Variants in MACROD1 observed in about 807,000 individuals in gnomAD.
MACROD1 encodes ADP-ribose glycohydrolase MACROD1.
In MACROD1, 31 loss-of-function variants were observed where a neutral mutation model predicts 41.4. That is an observed-to-expected ratio of 0.75 (90% confidence interval 0.56 to 1.01). MACROD1 has a LOEUF of 1.01. MACROD1 is among the 50% of genes least tolerant of loss of function. The probability of loss-of-function intolerance (pLI) is 0.00; values close to 1 mark genes in which losing one functional copy is unlikely to be tolerated. For synonymous variants in MACROD1, 252 were observed against 203.4 expected (o/e 1.24, Z -2.03); for missense variants, 473 against 460.0 (o/e 1.03, Z -0.26).
intron 3 of MACROD1, among the ~76,000 whole-genome samples, chr11:64,046,532 T>C (rs959408500): frequency 5.9e-5 from 9 of 152,324 alleles, no homozygotes; most frequent in African/African-American, 1.9e-4. Context: ...GTCAGCTTCA[T>C]GCACACTCCT....
chr11:64,052,016 T>C (rs532813337), intron 3 of MACROD1, among the ~76,000 whole-genome samples: 1 of 151,214 alleles, frequency 6.6e-6, no homozygotes, highest in East Asian at 2.0e-4. Flanking sequence ...GCTGGGGGCT[T>C]GCTAATGAAC....
At chr11:64,085,743 C>T (rs1329418157) in intron 3 of MACROD1, among the ~76,000 whole-genome samples, 4 of 152,160 alleles carry the variant, frequency 2.6e-5, no homozygotes, top group East Asian at 1.9e-4. Context: ...CAGTGTTGTC[C>T]ATTGGGGGCC....
chr11:64,135,467 T>C (rs1481213756), intron 3 of MACROD1, among the ~76,000 whole-genome samples: 1 of 152,232 alleles, frequency 6.6e-6, no homozygotes, highest in African/African-American at 2.4e-5. Flanking sequence ...ACCTGAGCCC[T>C]TGCCGCTTGC....
chr11:64,106,132 T>C (rs1427884425), intron 3 of MACROD1, among the ~76,000 whole-genome samples: 1 of 152,132 alleles, frequency 6.6e-6, no homozygotes, highest in African/African-American at 2.4e-5. Flanking sequence ...GAGGTCCCGC[T>C]GGGCAGCTGA....
At chr11:64,118,530 T>C in intron 3 of MACROD1, 1 of 463,004 alleles carries the variant, frequency 2.2e-6, no homozygotes. Context: ...ACATAATTTA[T>C]ACCAAGTTAT....
At chr11:64,089,857 T>G (rs1275762765) in intron 3 of MACROD1, among the ~76,000 whole-genome samples, 3 of 152,104 alleles carry the variant, frequency 2.0e-5, no homozygotes, top group Non-Finnish European at 4.4e-5. Flanking sequence ...ATGAGGAGGA[T>G]GATGGTGCTG....
rs1483624165 is a variant in MACROD1 at position 64,086,138 on chromosome 11, GCA to G, written c.517+65099_517+65100del. Among the ~76,000 whole-genome samples the G allele has an allele frequency of 2.6e-5, 4 of 152,296 alleles. No homozygotes were observed. In the East Asian group the frequency reaches 7.7e-4, roughly 29 times the overall value. ...CAGCACTGGTGGGGTGGGTGGCTGC[GCA>G]CACACAGCCATTCAGGGGAAGCCGG... On this transcript the variant is annotated intron_variant, in intron 3 of 10. Coordinates refer to ENST00000255681, the MANE Select transcript of MACROD1 (RefSeq NM_014067.4).
chr11:64,145,846 C>T (rs891715501), intron 3 of MACROD1, among the ~76,000 whole-genome samples: 4 of 151,910 alleles, frequency 2.6e-5, no homozygotes, highest in Admixed American at 6.6e-5. Context: ...CTCGGCTCAC[C>T]GCAACCTCCA....
chr11:64,023,658 A>G (rs1426991521), intron 3 of MACROD1, among the ~76,000 whole-genome samples: 1 of 151,906 alleles, frequency 6.6e-6, no homozygotes, highest in African/African-American at 2.4e-5. Context: ...CATCCCCACT[A>G]GATTCCCCTG....
At chr11:64,134,554 G>A (rs1340050514) in intron 3 of MACROD1, among the ~76,000 whole-genome samples, 1 of 152,158 alleles carries the variant, frequency 6.6e-6, no homozygotes, top group Non-Finnish European at 1.5e-5. Context: ...CTGTTTACCT[G>A]GCATGAAGCA....
intron 3 of MACROD1, among the ~76,000 whole-genome samples, chr11:64,029,058 C>T (rs888953673): frequency 1.3e-5 from 2 of 152,248 alleles, no homozygotes; most frequent in African/African-American, 2.4e-5. Flanking sequence ...CCCACCTCCC[C>T]GCCCCAGGGC....
intron 3 of MACROD1, among the ~76,000 whole-genome samples, chr11:64,030,853 C>T (rs1943284645): frequency 6.6e-6 from 1 of 151,140 alleles, no homozygotes; most frequent in East Asian, 1.9e-4. Flanking sequence ...GAGTTCGAAT[C>T]CAGCCTGGGC....
intron 4 of MACROD1, chr11:64,009,068 C>T (rs1047124984): frequency 6.6e-6 from 1 of 152,032 alleles, no homozygotes; most frequent in Non-Finnish European, 1.5e-5. Flanking sequence ...CAGAGAAAGA[C>T]GAGGGGTAAT....
At chr11:64,135,722 T>G (rs1045972907) in intron 3 of MACROD1, among the ~76,000 whole-genome samples, 7 of 152,118 alleles carry the variant, frequency 4.6e-5, no homozygotes, top group Non-Finnish European at 8.8e-5. Flanking sequence ...CTTGCAGCCT[T>G]CCCCGCGCCA....
intron 3 of MACROD1, among the ~76,000 whole-genome samples, chr11:64,073,632 T>C (rs901114458): frequency 6.6e-6 from 1 of 151,090 alleles, no homozygotes. Flanking sequence ...GCGCTGGGGG[T>C]GCACATGTAC....
chr11:64,061,563 AC>A (rs1159621592), intron 3 of MACROD1, among the ~76,000 whole-genome samples: 3 of 151,684 alleles, frequency 2.0e-5, no homozygotes, highest in East Asian at 3.9e-4. Context: ...TCTGAGCACC[AC>A]CCCCCATTTG....
chr11:64,119,768 C>G (rs2134631329), intron 3 of MACROD1, among the ~76,000 whole-genome samples: 1 of 152,278 alleles, frequency 6.6e-6, no homozygotes, highest in South Asian at 2.1e-4. Context: ...ATTTTATTTC[C>G]TCCCTCTGGA....
chr11:64,036,890 C>A lies in MACROD1; in HGVS notation c.518-21609G>T, dbSNP rs994859868. Reference sequence around the variant, plus strand: ...GCCCCTCCTCGCGGGCACTGGAGACCCCGGGGAGGAAGGCTGGGGAGTGTT... The same window carrying A: ...GCCCCTCCTCGCGGGCACTGGAGACACCGGGGAGGAAGGCTGGGGAGTGTT... On this transcript the variant is annotated intron_variant, in intron 3 of 10. Transcript: ENST00000255681. The surrounding 1 kb of genome is among the most constrained non-coding windows in gnomAD (Gnocchi z 5.6). Among the ~76,000 whole-genome samples the A allele has an allele frequency of 1.3e-4, 20 of 152,172 alleles. No homozygotes were observed. The highest frequency in any genetic ancestry group is 4.8e-4 in the African/African-American group (20 of 41,448).
chr11:64,071,242 C>T (rs1944103067), intron 3 of MACROD1, among the ~76,000 whole-genome samples: 1 of 152,030 alleles, frequency 6.6e-6, no homozygotes, highest in African/African-American at 2.4e-5. Context: ...TCAGGTACCT[C>T]TCTCTCTCAG....
Sources: allele counts gnomAD v4.1 joint callset (sites outside exome capture counted in the v4.1 genomes callset), GRCh38; gene constraint gnomAD v4.1.1; non-coding constraint Gnocchi (gnomAD v3.1); transcripts MANE v1.5; gene names NCBI Gene and HGNC (gene_info 2026-07-23, HGNC 2026-07-21).